Variants in HIP1 observed in about 807,000 individuals in gnomAD.
The protein encoded by HIP1 is huntingtin-interacting protein 1.
Under a neutral mutation model 147.6 loss-of-function variants are expected in HIP1, and 65 were observed. That is an observed-to-expected ratio of 0.44 (90% CI 0.36 to 0.54). HIP1 has a LOEUF of 0.54. HIP1 is among the 20% of genes least tolerant of loss of function. The pLI is 0.00. For missense variants in HIP1, 1,061 were observed against 1,299.6 expected (o/e 0.82, Z 2.82); for synonymous variants, 479 against 504.0 (o/e 0.95, Z 0.67).
chr7:75,572,262 G>C (rs1488154644), intron 8 of HIP1, among the ~76,000 whole-genome samples: 2 of 150,722 alleles, frequency 1.3e-5, no homozygotes, highest in Non-Finnish European at 2.9e-5. Context: ...ACTTCTGTAA[G>C]ACCAGAACTT....
At chr7:75,613,428 A>C (rs1028749923) in intron 1 of HIP1, among the ~76,000 whole-genome samples, 2 of 152,094 alleles carry the variant, frequency 1.3e-5, no homozygotes, top group African/African-American at 2.4e-5. Context: ...ATCAAAAATA[A>C]TAATAATCAT....
chr7:75,675,603 CTCTT>C (rs1307374121), intron 1 of HIP1, among the ~76,000 whole-genome samples: 1 of 152,056 alleles, frequency 6.6e-6, no homozygotes, highest in Admixed American at 6.6e-5. Flanking sequence ...ATCTCCCTCT[CTCTT>C]TGAAATTCTG....
intron 1 of HIP1, among the ~76,000 whole-genome samples, chr7:75,718,350 C>T (rs1358978634): frequency 4.0e-5 from 6 of 151,808 alleles, no homozygotes; most frequent in Admixed American, 3.9e-4. Context: ...GAGGAAGACT[C>T]TGTCTCTAAA....
chr7:75,656,665 C>T (rs868934799), intron 1 of HIP1, among the ~76,000 whole-genome samples: 5 of 151,958 alleles, frequency 3.3e-5, no homozygotes, highest in African/African-American at 4.8e-5. Context: ...TTGGTAGAGA[C>T]GGGGTTTCTC....
chr7:75,587,371 C>T (rs1335173452), intron 4 of HIP1, among the ~76,000 whole-genome samples: 5 of 152,142 alleles, frequency 3.3e-5, no homozygotes, highest in African/African-American at 9.6e-5. Context: ...CGTGAGCCAC[C>T]GCACCCAGCC....
At chr7:75,555,394 A>C (rs1383551824) in intron 19 of HIP1, 22 bp downstream of exon 19, 2 of 1,612,586 alleles carry the variant, frequency 1.2e-6, no homozygotes, top group African/African-American at 2.7e-5. Context: ...GGCCCCTGCC[A>C]GCTGGGCAAT....
intron 1 of HIP1, among the ~76,000 whole-genome samples, chr7:75,638,001 C>T (rs868968294): frequency 1.3e-5 from 1 of 75,284 alleles, no homozygotes; most frequent in Non-Finnish European, 2.4e-5. Flanking sequence ...CCCACACACA[C>T]ACATACACAC....
chr7:75,598,311 C>T (rs1158854389), intron 2 of HIP1, among the ~76,000 whole-genome samples: 1 of 151,394 alleles, frequency 6.6e-6, no homozygotes, highest in Admixed American at 6.6e-5. Context: ...GCACAAGAAT[C>T]GCTTGAATCC....
intron 6 of HIP1, among the ~76,000 whole-genome samples, chr7:75,581,671 C>T (rs1367083906): frequency 2.6e-5 from 4 of 152,104 alleles, no homozygotes; most frequent in Admixed American, 6.6e-5. Context: ...CCCAGCTACT[C>T]GGGAGGCTGA....
chr7:75,683,307 G>A (rs903000045), intron 1 of HIP1, among the ~76,000 whole-genome samples: 8 of 152,058 alleles, frequency 5.3e-5, no homozygotes, highest in East Asian at 1.9e-4. Context: ...AAGGGTCTTC[G>A]AGGTGCTGGT....
intron 1 of HIP1, among the ~76,000 whole-genome samples, chr7:75,694,879 TGA>T (rs1278565102): frequency 1.3e-5 from 2 of 150,004 alleles, no homozygotes; most frequent in Admixed American, 6.8e-5. Context: ...GGGTACTTTC[TGA>T]GAGAGTTCCT....
At chr7:75,718,495 C>T (rs139171194) in intron 1 of HIP1, among the ~76,000 whole-genome samples, 1 of 152,320 alleles carries the variant, frequency 6.6e-6, no homozygotes, top group African/African-American at 2.4e-5. Flanking sequence ...TCTGGTAACT[C>T]TGTACATGTA....
In HIP1 at chr7:75,706,480, T is replaced by TTTA. The variant is rs144258530; in HGVS notation, c.120+32318_120+32320dup. Among the ~76,000 whole-genome samples, 130 of 145,392 alleles carry TTTA rather than the reference T, an allele frequency of 8.9e-4. 4 individuals are homozygous for TTTA. The highest frequency in any genetic ancestry group is 3.2e-3 in the African/African-American group (122 of 37,686). On this transcript the variant is annotated intron_variant, in intron 1 of 30. Coordinates refer to ENST00000336926, the MANE Select transcript of HIP1 (RefSeq NM_005338.7). Reference sequence around the variant, plus strand: ...GCCATTTGTATATATCTTCTTTTTTTTTATTTTTTTTTTATTTTTTTATTT... The same window carrying TTTA: ...GCCATTTGTATATATCTTCTTTTTTTTTATTATTTTTTTTTTATTTTTTTATTT...
At chr7:75,603,772 T>C (rs1356260947) in intron 1 of HIP1, among the ~76,000 whole-genome samples, 4 of 146,722 alleles carry the variant, frequency 2.7e-5, no homozygotes, top group African/African-American at 5.1e-5. Flanking sequence ...ACTAGGGAGG[T>C]TGAGGTGGGA....
intron 5 of HIP1, among the ~76,000 whole-genome samples, chr7:75,582,764 A>C (rs1440918363): frequency 2.6e-5 from 4 of 151,822 alleles, no homozygotes; most frequent in Non-Finnish European, 5.9e-5. Context: ...CTGAGATCGC[A>C]CCACTGCACT....
chr7:75,562,787 G>A (rs2116845804), intron 11 of HIP1, 148 bp downstream of exon 11: 5 of 736,206 alleles, frequency 6.8e-6, no homozygotes, highest in African/African-American at 1.8e-5. Context: ...CACAGAGCAG[G>A]ATGCTCAGCC....
In HIP1 at chr7:75,648,560, T is replaced by C. The variant is rs797033040; in HGVS notation, c.121-49313A>G. On this transcript the variant is annotated intron_variant, in intron 1 of 30. Coordinates refer to ENST00000336926, the MANE Select transcript of HIP1 (RefSeq NM_005338.7). ...TTTGACGTCGCAGGGGAAAGGGTGA[T>C]TTCAAGCACGGCTGAGCCATATGCG... Among the ~76,000 whole-genome samples, 12 of 152,120 alleles carry C rather than the reference T, an allele frequency of 7.9e-5. 1 individual carries two copies. Among genetic ancestry groups the C allele is most frequent in the African/African-American group, 2.9e-4 (12 of 41,502 alleles).
chr7:75,724,892 C>G (rs1801605659), intron 1 of HIP1, among the ~76,000 whole-genome samples: 1 of 152,104 alleles, frequency 6.6e-6, no homozygotes, highest in Admixed American at 6.6e-5. Context: ...AAACGCTCCC[C>G]AATTCTAGGG....
intron 28 of HIP1, among the ~76,000 whole-genome samples, chr7:75,542,597 G>A (rs921959620): frequency 2.0e-5 from 3 of 152,080 alleles, no homozygotes; most frequent in African/African-American, 2.4e-5. Context: ...TACTCGGGAA[G>A]CTGAGGCAGG....
Sources: gnomAD v4.1 joint callset for allele counts (sites outside exome capture counted in the v4.1 genomes callset) on GRCh38, gnomAD v4.1.1 for gene constraint, MANE v1.5 for transcripts, NCBI Gene and HGNC (gene_info 2026-07-23, HGNC 2026-07-21) for gene names.